The following LYPLAL1 variants were observed in gnomAD, a reference collection of about 807,000 sequenced individuals.
LYPLAL1 encodes the protein lysophospholipase-like protein 1.
In LYPLAL1, 23 loss-of-function variants were observed where a neutral mutation model predicts 19.7. The ratio of observed to expected loss-of-function variants is 1.17; its 90% confidence interval spans 0.84 to 1.65. LYPLAL1 has a LOEUF of 1.65. Ranked by LOEUF, LYPLAL1 falls within the 40% of genes most tolerant of loss-of-function variation. The pLI is 0.00. For missense variants in LYPLAL1, 355 were observed against 279.4 expected (o/e 1.27, Z -1.93); for synonymous variants, 119 against 96.3 (o/e 1.24, Z -1.38).
chr1:219,290,236 T>C, the LYPLAL1 span, among the ~76,000 whole-genome samples: 1 of 152,212 alleles, frequency 6.6e-6, no homozygotes, highest in African/African-American at 2.4e-5. Flanking sequence ...GCATAGTTGG[T>C]TTCTCCTGCT....
chr1:219,417,386 T>C, the LYPLAL1 span, among the ~76,000 whole-genome samples: 1 of 152,256 alleles, frequency 6.6e-6, no homozygotes, highest in African/African-American at 2.4e-5. Context: ...AAGCTGCAAA[T>C]AGTTTTTTAA....
the LYPLAL1 span, among the ~76,000 whole-genome samples, chr1:219,434,889 G>A: frequency 1.3e-5 from 2 of 148,960 alleles, no homozygotes; most frequent in Non-Finnish European, 3.0e-5. Flanking sequence ...TGCTGTACTG[G>A]AAAAAAAAAA....
At chr1:219,220,065 T>C in the LYPLAL1 span, among the ~76,000 whole-genome samples, 1 of 152,080 alleles carries the variant, frequency 6.6e-6, no homozygotes. Context: ...GCTTTCCCTA[T>C]AATAATTTTG....
the LYPLAL1 span, among the ~76,000 whole-genome samples, chr1:219,258,666 C>T: frequency 2.6e-5 from 4 of 151,996 alleles, no homozygotes; most frequent in Admixed American, 1.3e-4. Flanking sequence ...GGCCATCTTC[C>T]TATTTGTTTT....
chr1:219,254,755 G>T, the LYPLAL1 span, among the ~76,000 whole-genome samples: 22 of 151,912 alleles, frequency 1.4e-4, no homozygotes, highest in Admixed American at 3.3e-4. Flanking sequence ...CGTGTTTTGG[G>T]GATGATCTTC....
chr1:219,412,427 T>C, the LYPLAL1 span, among the ~76,000 whole-genome samples: 1 of 152,228 alleles, frequency 6.6e-6, no homozygotes. Context: ...CTACAAAACA[T>C]ACTATTGTTT....
the LYPLAL1 span, among the ~76,000 whole-genome samples, chr1:219,235,487 T>C: frequency 6.6e-6 from 1 of 152,202 alleles, no homozygotes; most frequent in Admixed American, 6.5e-5. Flanking sequence ...TGACTTGACA[T>C]CAATGCACTT....
the LYPLAL1 span, among the ~76,000 whole-genome samples, chr1:219,431,804 A>C: frequency 6.6e-6 from 1 of 152,224 alleles, no homozygotes; most frequent in Non-Finnish European, 1.5e-5. Context: ...ACAACATCAT[A>C]TAGTGATCAA....
chr1:219,191,778 A>G (rs1015346565), intron 2 of LYPLAL1, among the ~76,000 whole-genome samples: 1 of 151,550 alleles, frequency 6.6e-6, no homozygotes, highest in Non-Finnish European at 1.5e-5. Flanking sequence ...ATCTGCATAA[A>G]CTTAGGGAAA....
intron 3 of LYPLAL1, among the ~76,000 whole-genome samples, chr1:219,201,540 A>C (rs1052445654): frequency 1.3e-5 from 2 of 151,810 alleles, no homozygotes; most frequent in Non-Finnish European, 2.9e-5. Flanking sequence ...TTGACTTATG[A>C]AATTATAAAA....
At chr1:219,234,870 T>A in the LYPLAL1 span, among the ~76,000 whole-genome samples, 2 of 152,174 alleles carry the variant, frequency 1.3e-5, no homozygotes, top group South Asian at 4.1e-4. Context: ...ATGGATAATG[T>A]ATATGCAGCC....
the LYPLAL1 span, among the ~76,000 whole-genome samples, chr1:219,405,425 T>C: frequency 3.9e-5 from 6 of 152,202 alleles, no homozygotes; most frequent in African/African-American, 1.4e-4. Context: ...AAGAATAATC[T>C]ATCTTAGGAA....
chr1:219,173,889 C>T lies in LYPLAL1; in HGVS notation c.-2C>T, dbSNP rs145239253. ...ACCGCATGACTGGCAGTGGCATCAG[C>T]GATGGCGGCTGCGTCGGGGTCGGTT... is the stretch of plus-strand genomic sequence containing the variant. On this transcript the variant is annotated 5_prime_UTR_variant, in exon 1 of 5. Coordinates refer to ENST00000366928, the MANE Select transcript of LYPLAL1 (RefSeq NM_138794.5). 2.0e-5 allele frequency: 33 copies of T among 1,612,094 alleles called. No individual in the cohort carries two copies. In the African/African-American group the frequency reaches 3.1e-4, roughly 15 times the overall value.
the LYPLAL1 span, among the ~76,000 whole-genome samples, chr1:219,339,386 G>A: frequency 1.1e-4 from 17 of 151,960 alleles, no homozygotes; most frequent in Non-Finnish European, 2.5e-4. Context: ...AAGGAGCAAC[G>A]GTGATAATAG....
chr1:219,416,891 A>T, the LYPLAL1 span, among the ~76,000 whole-genome samples: 1 of 152,168 alleles, frequency 6.6e-6, no homozygotes, highest in African/African-American at 2.4e-5. Context: ...TGACCAGAAA[A>T]CAAGTCCTGC....
At chr1:219,213,705 A>G (rs919645627), downstream of LYPLAL1, among the ~76,000 whole-genome samples, 1 of 152,018 alleles carries the variant, frequency 6.6e-6, no homozygotes, top group Admixed American at 6.6e-5. Flanking sequence ...TCAGTTTCCA[A>G]GTGCCCTTTG....
At chr1:219,358,835 C>CGT in the LYPLAL1 span, among the ~76,000 whole-genome samples, 10,755 of 149,932 alleles carry the variant, frequency 0.072, 469 homozygotes, top group Non-Finnish European at 0.1. Flanking sequence ...TGTGTGTGTG[C>CGT]GTGTGTGTGT....
At chr1:219,179,451 A>G (rs1355914055) in intron 2 of LYPLAL1, 11 of 508,840 alleles carry the variant, frequency 2.2e-5, no homozygotes, top group Admixed American at 4.0e-5. Flanking sequence ...CCCTTTCTGT[A>G]AAGCATTCCC....
the LYPLAL1 span, among the ~76,000 whole-genome samples, chr1:219,404,754 A>T: frequency 6.6e-6 from 1 of 152,216 alleles, no homozygotes; most frequent in Non-Finnish European, 1.5e-5. Flanking sequence ...GTATATTTCA[A>T]AATAGCTGGA....
Sources: allele counts gnomAD v4.1 joint callset (sites outside exome capture counted in the v4.1 genomes callset), GRCh38; gene constraint gnomAD v4.1.1; transcripts MANE v1.5; gene names NCBI Gene and HGNC (gene_info 2026-07-23, HGNC 2026-07-21).